The following DCC variants were observed in gnomAD, a reference collection of about 807,000 sequenced individuals.
The protein encoded by DCC is netrin receptor DCC.
In DCC, 58 loss-of-function variants were observed where a neutral mutation model predicts 172.5. The observed-to-expected ratio is 0.34, with a 90% CI of 0.27 to 0.42. The LOEUF (loss-of-function observed/expected upper bound fraction) is 0.42, where lower values mean the gene tolerates loss of function less well. Ranked by LOEUF, DCC falls within the 10% of genes least tolerant of loss-of-function variation. The probability of loss-of-function intolerance (pLI) is 1.00; values close to 1 mark genes in which losing one functional copy is unlikely to be tolerated. For synonymous variants in DCC, 709 were observed against 644.5 expected, an observed-to-expected ratio of 1.10 and a Z score of -1.52; for missense variants, 1,740 against 1,791.0, an observed-to-expected ratio of 0.97 and a Z score of 0.51.
At chr18:52,496,420 G>A (rs1598864002) in intron 1 of DCC, among the ~76,000 whole-genome samples, 1 of 152,096 alleles carries the variant, frequency 6.6e-6, no homozygotes, top group African/African-American at 2.4e-5. Context: ...TTTATATGTG[G>A]GTTGAATATA....
chr18:52,392,372 G>A (rs1986061502), intron 1 of DCC, among the ~76,000 whole-genome samples: 1 of 152,082 alleles, frequency 6.6e-6, no homozygotes, highest in South Asian at 2.1e-4. Flanking sequence ...TAGAAAGCTT[G>A]GATGATACAT....
At chr18:53,202,380 TA>T (rs1338097490) in intron 9 of DCC, among the ~76,000 whole-genome samples, 1 of 152,018 alleles carries the variant, frequency 6.6e-6, no homozygotes, top group Non-Finnish European at 1.5e-5. Flanking sequence ...TTATAGATTA[TA>T]AAAAGGAATC....
chr18:52,427,835 T>TCTTCCTTC lies in DCC; in HGVS notation c.91+87009_91+87016dup, dbSNP rs1206938130. ...TCCTTTCTTCCTTCCTTCCTTCCTT[T>TCTTCCTTC]CTTCCTTCCTTCCTTCCTTCCTTCC... On this transcript the variant is annotated intron_variant, in intron 1 of 28. Coordinates refer to ENST00000442544, the MANE Select transcript of DCC (RefSeq NM_005215.4). 4.1e-3 allele frequency among the ~76,000 whole-genome samples: 190 copies of TCTTCCTTC among 45,886 alleles called. 1 individual carries two copies. Among genetic ancestry groups the TCTTCCTTC allele is most frequent in the African/African-American group, 7.8e-3 (128 of 16,410 alleles). The allele number at this position is 45,886 out of a possible 152,430, so 30.1% of individuals were successfully genotyped here.
chr18:52,484,515 G>GA (rs2030114054), intron 1 of DCC, among the ~76,000 whole-genome samples: 1 of 152,052 alleles, frequency 6.6e-6, no homozygotes, highest in South Asian at 2.1e-4. Context: ...CTGTGAATCA[G>GA]ACACATGGAA....
intron 1 of DCC, among the ~76,000 whole-genome samples, chr18:52,609,111 T>C (rs1160984157): frequency 6.6e-6 from 1 of 152,176 alleles, no homozygotes; most frequent in Non-Finnish European, 1.5e-5. Context: ...AAAGGTGTGC[T>C]TTTCTATTTT....
At chr18:52,381,193 G>A (rs1485495835) in intron 1 of DCC, among the ~76,000 whole-genome samples, 1 of 152,128 alleles carries the variant, frequency 6.6e-6, no homozygotes, top group East Asian at 1.9e-4. Flanking sequence ...TGATATCACT[G>A]TGAAATTATA....
At chr18:52,402,496 G>A (rs1986480040) in intron 1 of DCC, among the ~76,000 whole-genome samples, 1 of 151,928 alleles carries the variant, frequency 6.6e-6, no homozygotes, top group Non-Finnish European at 1.5e-5. Flanking sequence ...CCATCAAGCT[G>A]TGACTTGAAA....
chr18:52,678,453 T>C (rs746800285), intron 1 of DCC, among the ~76,000 whole-genome samples: 1 of 152,188 alleles, frequency 6.6e-6, no homozygotes, highest in Non-Finnish European at 1.5e-5. Flanking sequence ...ACTTTCTTTG[T>C]TGTTGCCTTT....
intron 1 of DCC, among the ~76,000 whole-genome samples, chr18:52,348,935 C>A (rs1983997386): frequency 6.6e-6 from 1 of 152,122 alleles, no homozygotes; most frequent in African/African-American, 2.4e-5. Flanking sequence ...TACAGGGAAG[C>A]AGGATGCTGG....
chr18:53,192,197 C>G (rs761450789), intron 9 of DCC, among the ~76,000 whole-genome samples: 4 of 152,040 alleles, frequency 2.6e-5, no homozygotes, highest in Non-Finnish European at 5.9e-5. Flanking sequence ...TGTGGAAGGG[C>G]GTTAAAGGTG....
chr18:53,020,415 C>T (rs2041863667), intron 5 of DCC, among the ~76,000 whole-genome samples: 1 of 152,126 alleles, frequency 6.6e-6, no homozygotes, highest in African/African-American at 2.4e-5. Context: ...ATTCCTAACA[C>T]CTATATTAAC....
chr18:52,929,213 T>A (rs1216401077), intron 5 of DCC, among the ~76,000 whole-genome samples: 1 of 152,100 alleles, frequency 6.6e-6, no homozygotes, highest in African/African-American at 2.4e-5. Flanking sequence ...ACGAAGGCAT[T>A]TTAGCACAGA....
At chr18:52,758,669 C>A (rs367749502) in intron 2 of DCC, 1 of 142,290 alleles carries the variant, frequency 7.0e-6, no homozygotes, top group Non-Finnish European at 1.5e-5. Flanking sequence ...CTTAAAAGAA[C>A]CTGAAAAAAA....
chr18:52,379,140 T>C (rs1985479261), intron 1 of DCC, among the ~76,000 whole-genome samples: 1 of 152,208 alleles, frequency 6.6e-6, no homozygotes, highest in East Asian at 1.9e-4. Context: ...ATTTAAATGT[T>C]TCTTATTCAC....
intron 1 of DCC, among the ~76,000 whole-genome samples, chr18:52,544,306 A>T (rs908671073): frequency 7.9e-5 from 12 of 152,232 alleles, no homozygotes; most frequent in African/African-American, 2.9e-4. Flanking sequence ...TGCTGGGGGA[A>T]GAGTACCTGG....
chr18:52,789,909 C>G (rs1472969465), intron 2 of DCC, among the ~76,000 whole-genome samples: 6 of 152,126 alleles, frequency 3.9e-5, no homozygotes, highest in Admixed American at 3.9e-4. Context: ...AGAAACTAGC[C>G]ACAAGATCAG....
intron 1 of DCC, among the ~76,000 whole-genome samples, chr18:52,715,287 T>C (rs2036360373): frequency 5.2e-5 from 1 of 19,182 alleles, no homozygotes; most frequent in Non-Finnish European, 1.1e-4. Flanking sequence ...CACTACATTT[T>C]TTCTTTTCTT....
chr18:52,930,009 A>G (rs1184714765), intron 5 of DCC, among the ~76,000 whole-genome samples: 1 of 152,022 alleles, frequency 6.6e-6, no homozygotes, highest in Non-Finnish European at 1.5e-5. Flanking sequence ...TTTTTGAGAC[A>G]GGGTCTTGCT....
intron 14 of DCC, among the ~76,000 whole-genome samples, chr18:53,337,168 C>T (rs2057601227): frequency 6.6e-6 from 1 of 152,208 alleles, no homozygotes; most frequent in Non-Finnish European, 1.5e-5. Context: ...GAAATAGTTA[C>T]TGTTCTGAAA....
Sources: gnomAD v4.1 joint callset for allele counts (sites outside exome capture counted in the v4.1 genomes callset) on GRCh38, gnomAD v4.1.1 for gene constraint, MANE v1.5 for transcripts, NCBI Gene and HGNC (gene_info 2026-07-23, HGNC 2026-07-21) for gene names.